The following UBASH3B variants were observed in gnomAD, a reference collection of about 807,000 sequenced individuals.
UBASH3B encodes ubiquitin associated and SH3 domain containing B, also known as ubiquitin-associated and SH3 domain-containing protein B.
In UBASH3B, 37 loss-of-function variants were observed where a neutral mutation model predicts 83.4. The ratio of observed to expected loss-of-function variants is 0.44; its 90% CI spans 0.34 to 0.58. The LOEUF (loss-of-function observed/expected upper bound fraction) is 0.58. Among genes scored for constraint, UBASH3B ranks in the 20% least tolerant of loss-of-function variants. UBASH3B has a pLI of 0.01. For missense variants in UBASH3B, 657 were observed against 827.2 expected (o/e 0.79, Z 2.52); for synonymous variants, 304 against 318.3 (o/e 0.96, Z 0.48).
chr11:122,722,292 C>A (rs1189646212), intron 1 of UBASH3B, among the ~76,000 whole-genome samples: 1 of 152,190 alleles, frequency 6.6e-6, no homozygotes, highest in African/African-American at 2.4e-5. Context: ...TTCTGCCTCT[C>A]CTAATTACTG....
At chr11:122,764,360 G>T (rs1860497048) in intron 1 of UBASH3B, among the ~76,000 whole-genome samples, 1 of 152,218 alleles carries the variant, frequency 6.6e-6, no homozygotes, top group Non-Finnish European at 1.5e-5. Flanking sequence ...CTCCCTGTGG[G>T]CTTGTAATCA....
At chr11:122,696,486 T>C (rs569518178) in intron 1 of UBASH3B, among the ~76,000 whole-genome samples, 1 of 152,168 alleles carries the variant, frequency 6.6e-6, no homozygotes, top group South Asian at 2.1e-4. Flanking sequence ...AATTTTTGCA[T>C]TTTTAGTCGA....
intron 1 of UBASH3B, among the ~76,000 whole-genome samples, chr11:122,769,173 C>T (rs1239820250): frequency 2.0e-5 from 3 of 152,178 alleles, no homozygotes; most frequent in African/African-American, 7.2e-5. Context: ...AGCTTCCACT[C>T]ATGACAGAAG....
chr11:122,756,416 G>A (rs1861283036), intron 1 of UBASH3B, among the ~76,000 whole-genome samples: 2 of 152,218 alleles, frequency 1.3e-5, no homozygotes, highest in Non-Finnish European at 2.9e-5. Context: ...ATGAGCAAAT[G>A]TGCCTAGTAC....
At position 122,777,184 on chromosome 11, in the gene UBASH3B, C is replaced by T. The variant is rs1565561129; in HGVS notation, c.376C>T (p.His126Tyr). The change falls in exon 3 of 14, where the codon CAC (histidine) becomes TAC (tyrosine). Residue 126 changes from histidine to tyrosine, a missense_variant. His to Tyr is a moderately conservative substitution (Grantham distance 83). This residue lies in a region of UBASH3B where 573 missense variants were observed against 739.0 expected (regional missense o/e 0.78). Transcript: ENST00000284273. Reference sequence around the variant, plus strand: ...GAACAAGGCACACAACATCTTCCCCCACATCACACTCTGCCAGTTCTTTAT... The same window carrying T: ...GAACAAGGCACACAACATCTTCCCCTACATCACACTCTGCCAGTTCTTTAT... ...GKNKAHNIFP[H>Y]ITLCQFFMCE... 1.9e-6 allele frequency: 3 copies of T among 1,613,558 alleles called. No homozygotes were observed. The Admixed American group carries it at 5.0e-5, about 27-fold the overall frequency.
intron 1 of UBASH3B, among the ~76,000 whole-genome samples, chr11:122,752,558 C>A (rs905465976): frequency 2.0e-5 from 3 of 152,176 alleles, no homozygotes; most frequent in African/African-American, 7.2e-5. Context: ...GCAAACAGGG[C>A]ACGATGCAGC....
At chr11:122,691,224 G>A (rs1194676017) in intron 1 of UBASH3B, among the ~76,000 whole-genome samples, 1 of 152,188 alleles carries the variant, frequency 6.6e-6, no homozygotes, top group Non-Finnish European at 1.5e-5. Flanking sequence ...GGCCTTTCCT[G>A]CAGAGAATTC....
intron 1 of UBASH3B, among the ~76,000 whole-genome samples, chr11:122,694,408 TACTC>T (rs1306428276): frequency 2.0e-5 from 3 of 152,076 alleles, no homozygotes; most frequent in Non-Finnish European, 2.9e-5. Context: ...TAATGAAACT[TACTC>T]AGGCCAGCAT....
intron 1 of UBASH3B, among the ~76,000 whole-genome samples, chr11:122,688,933 C>T (rs1399694477): frequency 3.3e-5 from 5 of 151,258 alleles, no homozygotes; most frequent in Middle Eastern, 3.4e-3. Context: ...CGTGAGCCAC[C>T]GCGCCCGGCT....
chr11:122,752,356 C>G (rs1027661736), intron 1 of UBASH3B, among the ~76,000 whole-genome samples: 1 of 152,104 alleles, frequency 6.6e-6, no homozygotes, highest in African/African-American at 2.4e-5. Context: ...TTATAATGTG[C>G]GAGGCCAGGT....
At chr11:122,685,081 ATC>A in intron 1 of UBASH3B, among the ~76,000 whole-genome samples, 5 of 152,298 alleles carry the variant, frequency 3.3e-5, no homozygotes. Flanking sequence ...GGAAAATACT[ATC>A]TTTTTTCCAC....
At chr11:122,804,736 G>A (rs774020645) in intron 11 of UBASH3B, among the ~76,000 whole-genome samples, 3 of 152,150 alleles carry the variant, frequency 2.0e-5, no homozygotes, top group Non-Finnish European at 2.9e-5. Context: ...GCCTACTTCT[G>A]ATCAAGAGGC....
At chr11:122,753,158 T>C (rs1188416349) in intron 1 of UBASH3B, among the ~76,000 whole-genome samples, 2 of 149,924 alleles carry the variant, frequency 1.3e-5, no homozygotes, top group Non-Finnish European at 3.0e-5. Flanking sequence ...AAACTCGAGT[T>C]TCTGGCCAGG....
intron 1 of UBASH3B, among the ~76,000 whole-genome samples, chr11:122,712,561 A>T (rs2135937412): frequency 6.6e-6 from 1 of 152,180 alleles, no homozygotes; most frequent in South Asian, 2.1e-4. Context: ...TTTCCCTCAC[A>T]TTCTGCATCC....
chr11:122,760,234 G>A (rs1160475630), intron 1 of UBASH3B, among the ~76,000 whole-genome samples: 2 of 152,188 alleles, frequency 1.3e-5, no homozygotes, highest in Non-Finnish European at 2.9e-5. Flanking sequence ...TGCCCAGACA[G>A]GTAGGGACCA....
At chr11:122,696,294 A>C (rs1863963938) in intron 1 of UBASH3B, among the ~76,000 whole-genome samples, 1 of 149,036 alleles carries the variant, frequency 6.7e-6, no homozygotes, top group South Asian at 2.1e-4. Flanking sequence ...CAGGATTTTA[A>C]CCTTAATGAG....
intron 6 of UBASH3B, among the ~76,000 whole-genome samples, chr11:122,793,378 C>T (rs555100986): frequency 1.2e-3 from 183 of 152,178 alleles, no homozygotes; most frequent in South Asian, 8.5e-3. Context: ...AGCAATACTC[C>T]GTCTCTAAAA....
intron 2 of UBASH3B, 113 bp downstream of exon 2, chr11:122,776,385 G>A: frequency 6.2e-6 from 6 of 962,066 alleles, no homozygotes; most frequent in Non-Finnish European, 9.0e-6. Context: ...AGAGACAGGA[G>A]CCAAAAGACT....
At chr11:122,699,075 C>G (rs528862316) in intron 1 of UBASH3B, among the ~76,000 whole-genome samples, 2 of 152,174 alleles carry the variant, frequency 1.3e-5, no homozygotes, top group South Asian at 2.1e-4. Context: ...GTCTCGAACT[C>G]CTGACCTCAG....
Sources: allele counts gnomAD v4.1 joint callset (sites outside exome capture counted in the v4.1 genomes callset), GRCh38; gene constraint gnomAD v4.1.1; regional missense constraint gnomAD v4.1.1; transcripts MANE v1.5; gene names NCBI Gene and HGNC (gene_info 2026-07-23, HGNC 2026-07-21).